ZNF541: variants seen among roughly 807,000 people sequenced by gnomAD.
ZNF541 encodes zinc finger protein 541.
ZNF541 carries 23 observed loss-of-function variants against 123.5 expected under a neutral mutation model. That is an observed-to-expected ratio of 0.19 (90% confidence interval 0.13 to 0.26). The LOEUF is 0.26. ZNF541 is among the 10% of genes least tolerant of loss of function. The probability of loss-of-function intolerance (pLI) is 1.00; values close to 1 mark genes in which losing one functional copy is unlikely to be tolerated. For missense variants in ZNF541, 1,612 were observed against 1,789.9 expected (o/e 0.90, Z 1.79); for synonymous variants, 751 against 754.5 (o/e 1.00, Z 0.08).
intron 14 of ZNF541, among the ~76,000 whole-genome samples, chr19:47,528,332 A>AG (rs1969404461): frequency 6.7e-6 from 1 of 149,750 alleles, no homozygotes; most frequent in Admixed American, 6.6e-5. Flanking sequence ...AAAAAAAAAA[A>AG]AAAGAGACAG....
At position 47,545,374 on chromosome 19, in the gene ZNF541, G is replaced by T. The variant is rs1270601893; in HGVS notation, c.1155C>A (p.Pro385=). 4 of 1,532,386 alleles carry T rather than the reference G, an allele frequency of 2.6e-6. No homozygotes were observed. Among genetic ancestry groups the T allele is most frequent in the Non-Finnish European group, 3.5e-6 (4 of 1,137,284 alleles). 94.9% of individuals were successfully genotyped at this position (1,532,386 alleles called of 1,614,324 possible). A position where few individuals can be genotyped will look rare whatever the true frequency, so the allele number is the denominator to read the frequency against. The change falls in exon 5 of 17, where the codon CCC becomes CCA. Residue 385 remains proline, a synonymous_variant. Coordinates refer to ENST00000391901, the MANE Select transcript of ZNF541 (RefSeq NM_001277075.3). The surrounding 1 kb of genome is among the most constrained non-coding windows in gnomAD (Gnocchi z 7.5). ...GGCAGGCAGGCACGGAGCCGCCTTC[G>T]GGCCAGCACTCCGCGGTGGACCGGG... ...LQARSTAECW[P]EGGSVPACLP...
chr19:47,544,896 A>C lies in ZNF541; in HGVS notation c.1633T>G (p.Ser545Ala). ...SPLFRQLFLK[S>A]QEPLVSHEQM... ...TCGTGGCTCACAAGAGGTTCCTGCG[A>C]CTTGAGGAAGAGCTGGCGGAAGAGC... is the stretch of plus-strand genomic sequence containing the variant. The change falls in exon 5 of 17, where the codon TCG becomes GCG. Residue 545 changes from serine (S) to alanine (A), a missense_variant. Around this residue, in one of 5 missense-constraint regions of ZNF541, gnomAD observed 1,080 missense variants for 1,013.8 expected, o/e 1.07. Coordinates refer to ENST00000391901, the MANE Select transcript of ZNF541 (RefSeq NM_001277075.3). The C allele has an allele frequency of 6.5e-7, 1 of 1,536,062 alleles. No individual in the cohort carries two copies. Among genetic ancestry groups the C allele is most frequent in the Non-Finnish European group, 8.7e-7 (1 of 1,146,772 alleles).
rs1445007960 is a variant in ZNF541 at position 47,570,027 on chromosome 19, C to A, written c.-99+1869G>T. ...CGGTGGCTCACGACTCTAATTCCAGCACTTTGGGAGGCTGAGGCGGGCAGA... is the reference window on the plus strand; with the variant it reads ...CGGTGGCTCACGACTCTAATTCCAGAACTTTGGGAGGCTGAGGCGGGCAGA... On this transcript the variant is annotated intron_variant, in intron 2 of 16. Coordinates refer to ENST00000391901, the MANE Select transcript of ZNF541 (RefSeq NM_001277075.3). Among the ~76,000 whole-genome samples, 4 of 152,104 alleles carry A rather than the reference C, an allele frequency of 2.6e-5. No homozygotes were observed. The East Asian group carries it at 5.8e-4, about 22-fold the overall frequency.
At chr19:47,571,181 C>T (rs11673169) in intron 2 of ZNF541, among the ~76,000 whole-genome samples, 20,593 of 150,938 alleles carry the variant, frequency 0.14, 2,494 homozygotes, top group African/African-American at 0.33. Context: ...GGTGCAATCT[C>T]GGCTCACCAC....
chr19:47,538,605 T>C, intron 8 of ZNF541, 166 bp from the exon 9 acceptor site: 1 of 650,756 alleles, frequency 1.5e-6, no homozygotes, highest in Non-Finnish European at 2.5e-6. Flanking sequence ...CCTGACGTAC[T>C]GAGCCTGGCG....
rs547477738 is a variant in ZNF541, at chr19:47,541,424, T to A, written c.2404-473A>T. 3.4e-3 allele frequency among the ~76,000 whole-genome samples: 510 copies of A among 150,946 alleles called. 2 individuals carry two copies. Among genetic ancestry groups the A allele is most frequent in the African/African-American group, 0.011 (471 of 41,148 alleles). On this transcript the variant is annotated intron_variant, in intron 5 of 16. Transcript: ENST00000391901. ...AGTGAGACCCTGTCTCAAAAAAAAA[T>A]AAAAAATAAAAAATAAAAACTTTTG...
chr19:47,563,590 A>G (rs1020036828), intron 2 of ZNF541, among the ~76,000 whole-genome samples: 8 of 152,160 alleles, frequency 5.3e-5, no homozygotes, highest in Admixed American at 3.3e-4. Flanking sequence ...CCCAATAATA[A>G]AAACAAGTGA....
chr19:47,555,459 T>C, intron 3 of ZNF541, 91 bp downstream of exon 3: 1 of 1,341,044 alleles, frequency 7.5e-7, no homozygotes, highest in Non-Finnish European at 9.9e-7. Context: ...GGAAAAATTT[T>C]CTTAACCAAT....
chr19:47,534,516 T>C (rs892487643), intron 9 of ZNF541, among the ~76,000 whole-genome samples: 1 of 151,996 alleles, frequency 6.6e-6, no homozygotes, highest in African/African-American at 2.4e-5. Flanking sequence ...CCTGGTGTGG[T>C]GGTGTACCCC....
At chr19:47,530,068 T>C (rs963463167) in intron 12 of ZNF541, among the ~76,000 whole-genome samples, 2 of 152,158 alleles carry the variant, frequency 1.3e-5, no homozygotes, top group African/African-American at 2.4e-5. Flanking sequence ...CACTATGTTG[T>C]CCAGGCTGAG....
chr19:47,568,295 G>A (rs780243357), intron 2 of ZNF541, among the ~76,000 whole-genome samples: 1 of 152,140 alleles, frequency 6.6e-6, no homozygotes, highest in African/African-American at 2.4e-5. Context: ...CCTGGGAGTT[G>A]AGCAGACAGA....
intron 14 of ZNF541, among the ~76,000 whole-genome samples, chr19:47,527,623 T>C (rs1969357759): frequency 6.6e-6 from 1 of 152,100 alleles, no homozygotes; most frequent in African/African-American, 2.4e-5. Context: ...CTTGAACTCC[T>C]AGCCTCAAGC....
At position 47,555,665 on chromosome 19, in the gene ZNF541, G is replaced by A; in HGVS notation, c.192C>T (p.Ser64=). ...CTAAGTTGTCCTCCAGCACCTCGCT[G>A]GACATGTCAGGCGTTGGGAGGCTGG... is the stretch of plus-strand genomic sequence containing the variant. ...PDPSLPTPDM[S]SEVLEDNLDT... The change falls in exon 3 of 17, where the codon TCC becomes TCT. Residue 64 remains serine (S), a synonymous_variant. Transcript: ENST00000391901. The A allele has an allele frequency of 6.4e-7, 1 of 1,551,736 alleles. No homozygotes were observed. The highest frequency in any genetic ancestry group is 2.4e-5 in the East Asian group (1 of 40,918).
At chr19:47,532,869 G>A in intron 10 of ZNF541, 40 bp downstream of exon 10, 1 of 1,541,896 alleles carries the variant, frequency 6.5e-7, no homozygotes, top group African/African-American at 1.4e-5. Flanking sequence ...AGAACTCAAG[G>A]TGGGGTAAAA....
intron 8 of ZNF541, among the ~76,000 whole-genome samples, chr19:47,539,097 T>C (rs1969963180): frequency 1.3e-5 from 2 of 152,090 alleles, no homozygotes; most frequent in South Asian, 4.1e-4. Context: ...CTCCCAGCTC[T>C]GCCCACTCTG....
intron 13 of ZNF541, 64 bp downstream of exon 13, chr19:47,529,513 A>G (rs1969462782): frequency 1.0e-5 from 15 of 1,507,110 alleles, no homozygotes; most frequent in Non-Finnish European, 1.4e-5. Flanking sequence ...AGCTTGCAAC[A>G]GAGCTGGCCG....
At chr19:47,561,352 C>T (rs2921557) in intron 2 of ZNF541, among the ~76,000 whole-genome samples, 17,811 of 151,898 alleles carry the variant, frequency 0.12, 1,644 homozygotes, top group African/African-American at 0.27. Context: ...GAGGGTGAAT[C>T]GCTTGAGCCC....
At chr19:47,554,121 C>A (rs1970717330) in intron 3 of ZNF541, among the ~76,000 whole-genome samples, 1 of 152,160 alleles carries the variant, frequency 6.6e-6, no homozygotes, top group African/African-American at 2.4e-5. Context: ...GTATGTCTGA[C>A]TTTACCCACG....
rs1321879625 is a variant in ZNF541, at chr19:47,555,887, C to CT, written c.-32dup. 53 of 1,525,746 alleles carry CT rather than the reference C, an allele frequency of 3.5e-5. No individual in the cohort carries two copies. Among genetic ancestry groups the CT allele is most frequent in the Admixed American group, 6.1e-5 (3 of 48,926 alleles). 94.5% of individuals were successfully genotyped at this position (1,525,746 alleles called of 1,614,324 possible). ...TCCACTGCCAGGTCTTGGCCAAAAG[C>CT]TACTCTCCAGATAAGCAAAACCATG... On this transcript the variant is annotated 5_prime_UTR_variant, in exon 3 of 17. Transcript: ENST00000391901.
Sources: allele counts gnomAD v4.1 joint callset (sites outside exome capture counted in the v4.1 genomes callset), GRCh38; gene constraint gnomAD v4.1.1; regional missense constraint gnomAD v4.1.1; non-coding constraint Gnocchi (gnomAD v3.1); transcripts MANE v1.5; gene names NCBI Gene and HGNC (gene_info 2026-07-23, HGNC 2026-07-21).